CENPP: variants seen among roughly 807,000 people sequenced by gnomAD.
CENPP encodes centromere protein P.
In CENPP, 24 loss-of-function variants were observed where a neutral mutation model predicts 35.6. The ratio of observed to expected loss-of-function variants is 0.67; its 90% CI spans 0.49 to 0.95. The LOEUF is 0.95. Ranked by LOEUF, CENPP falls within the 40% of genes least tolerant of loss-of-function variation. The pLI is 0.00. For missense variants in CENPP, 332 were observed against 345.3 expected (o/e 0.96, Z 0.31); for synonymous variants, 120 against 125.5 (o/e 0.96, Z 0.29).
intron 5 of CENPP, chr9:92,417,094 T>C: frequency 6.2e-7 from 1 of 1,613,836 alleles, no homozygotes; most frequent in Non-Finnish European, 8.5e-7. Context: ...GAAATGGAAA[T>C]TCTTCTAAAT....
rs187759526 is a variant in CENPP at position 92,585,656 on chromosome 9, A to C, written c.565-25658A>C. ...CTGAAACCACCATAAACTGCCAAAAATTGACAGTATAAACTTTCGGAACTC... is the reference window on the plus strand; with the variant it reads ...CTGAAACCACCATAAACTGCCAAAACTTGACAGTATAAACTTTCGGAACTC... On this transcript the variant is annotated intron_variant, in intron 5 of 7. Coordinates refer to ENST00000375587, the MANE Select transcript of CENPP (RefSeq NM_001012267.3). 2.2e-4 allele frequency among the ~76,000 whole-genome samples: 33 copies of C among 152,318 alleles called. 1 individual carries two copies. The highest frequency in any genetic ancestry group is 2.1e-3 in the Admixed American group (32 of 15,298).
intron 5 of CENPP, among the ~76,000 whole-genome samples, chr9:92,438,222 A>G (rs540180417): frequency 6.6e-6 from 1 of 152,116 alleles, no homozygotes; most frequent in South Asian, 2.1e-4. Context: ...TATAAGTTTT[A>G]TCTCTTATAT....
intron 5 of CENPP, among the ~76,000 whole-genome samples, chr9:92,560,487 G>A (rs1349237857): frequency 6.6e-6 from 1 of 152,114 alleles, no homozygotes; most frequent in Non-Finnish European, 1.5e-5. Context: ...TTACATTAGA[G>A]CCCAAGTGTT....
intron 5 of CENPP, chr9:92,424,573 T>C (rs1843909585): frequency 1.3e-5 from 2 of 152,200 alleles, no homozygotes; most frequent in East Asian, 3.8e-4. Context: ...CATGTACTGA[T>C]TACTGTTTTT....
At chr9:92,357,199 T>TTG (rs1431095818) in intron 4 of CENPP, among the ~76,000 whole-genome samples, 1 of 150,762 alleles carries the variant, frequency 6.6e-6, no homozygotes, top group African/African-American at 2.4e-5. Flanking sequence ...AGTCTTTTTT[T>TTG]TTGTTTTTTT....
intron 5 of CENPP, among the ~76,000 whole-genome samples, chr9:92,582,030 GTGTTT>G (rs56879645): frequency 0.12 from 17,990 of 149,580 alleles, 1,332 homozygotes; most frequent in Non-Finnish European, 0.17. Context: ...ACACTTGGTG[GTGTTT>G]TGTTTTGTTT....
At chr9:92,433,677 A>C (rs1844174389) in intron 5 of CENPP, among the ~76,000 whole-genome samples, 1 of 152,218 alleles carries the variant, frequency 6.6e-6, no homozygotes, top group Admixed American at 6.5e-5. Flanking sequence ...ACGGCCTATA[A>C]TCCCAGCACT....
At chr9:92,466,237 A>T in intron 5 of CENPP, 1 of 685,486 alleles carries the variant, frequency 1.5e-6, no homozygotes, top group South Asian at 2.0e-5. Context: ...TAAATGGCTT[A>T]TCTAGGCAAA....
intron 5 of CENPP, among the ~76,000 whole-genome samples, chr9:92,544,085 C>T (rs146766724): frequency 4.6e-5 from 7 of 152,198 alleles, no homozygotes; most frequent in Admixed American, 6.5e-5. Context: ...ATAGAAGTTG[C>T]GTGAGTCAGC....
chr9:92,572,985 A>G (rs971900438), intron 5 of CENPP, among the ~76,000 whole-genome samples: 4 of 152,030 alleles, frequency 2.6e-5, no homozygotes, highest in African/African-American at 9.7e-5. Context: ...CTAGTTAGCC[A>G]TTCGTCTAAT....
chr9:92,394,332 T>TCC (rs1023473901), intron 5 of CENPP, among the ~76,000 whole-genome samples: 29 of 152,048 alleles, frequency 1.9e-4, no homozygotes, highest in African/African-American at 5.8e-4. Context: ...AACCTCCACC[T>TCC]CCCCATTTCA....
chr9:92,365,386 T>G (rs1429898598), intron 4 of CENPP, among the ~76,000 whole-genome samples: 1 of 150,616 alleles, frequency 6.6e-6, no homozygotes, highest in Non-Finnish European at 1.5e-5. Context: ...TATCAAATTA[T>G]GCCTTGTATT....
At chr9:92,565,481 A>G (rs1849947415) in intron 5 of CENPP, among the ~76,000 whole-genome samples, 1 of 152,142 alleles carries the variant, frequency 6.6e-6, no homozygotes. Context: ...TCAGCTCTTA[A>G]CAAAGTAGTA....
chr9:92,470,432 A>G (rs1845469231), intron 5 of CENPP, among the ~76,000 whole-genome samples: 1 of 152,254 alleles, frequency 6.6e-6, no homozygotes, highest in African/African-American at 2.4e-5. Context: ...GAGGACCATT[A>G]AACTCAGCCC....
intron 5 of CENPP, among the ~76,000 whole-genome samples, chr9:92,559,177 A>G (rs1849793020): frequency 2.0e-5 from 3 of 152,150 alleles, no homozygotes; most frequent in Non-Finnish European, 4.4e-5. Flanking sequence ...AAGTTCGGCT[A>G]GAGAATTCAT....
chr9:92,602,308 G>A (rs1221503120), intron 5 of CENPP, among the ~76,000 whole-genome samples: 1 of 152,228 alleles, frequency 6.6e-6, no homozygotes, highest in Non-Finnish European at 1.5e-5. Context: ...AGGAATGATG[G>A]AAACGGAAAG....
intron 5 of CENPP, among the ~76,000 whole-genome samples, chr9:92,433,364 G>C (rs1188527123): frequency 6.6e-6 from 1 of 152,014 alleles, no homozygotes; most frequent in African/African-American, 2.4e-5. Flanking sequence ...AAGGAAGGAG[G>C]AGTAAATTCC....
intron 4 of CENPP, among the ~76,000 whole-genome samples, chr9:92,366,004 C>T (rs1037889640): frequency 6.6e-6 from 1 of 151,588 alleles, no homozygotes; most frequent in African/African-American, 2.4e-5. Flanking sequence ...CATGGTGAAA[C>T]CCCGTCTCTA....
At chr9:92,528,600 G>A (rs1848558163) in intron 5 of CENPP, among the ~76,000 whole-genome samples, 1 of 151,962 alleles carries the variant, frequency 6.6e-6, no homozygotes, top group South Asian at 2.1e-4. Flanking sequence ...AAAAGACCAG[G>A]AAGAGTTTGT....
Sources: gnomAD v4.1 joint callset for allele counts (sites outside exome capture counted in the v4.1 genomes callset) on GRCh38, gnomAD v4.1.1 for gene constraint, MANE v1.5 for transcripts, NCBI Gene and HGNC (gene_info 2026-07-23, HGNC 2026-07-21) for gene names.